PCDHGA3: variants seen among roughly 807,000 people sequenced by gnomAD.
PCDHGA3 encodes the protein protocadherin gamma-A3.
PCDHGA3 carries 40 observed loss-of-function variants against 58.5 expected under a neutral mutation model. The observed-to-expected ratio is 0.68, with a 90% CI of 0.53 to 0.89. The LOEUF (loss-of-function observed/expected upper bound fraction) is 0.89, where lower values mean the gene tolerates loss of function less well. Among genes scored for constraint, PCDHGA3 ranks in the 40% least tolerant of loss-of-function variants. The pLI is 0.00. For synonymous variants in PCDHGA3, 530 were observed against 525.7 expected (o/e 1.01, Z -0.11); for missense variants, 1,223 against 1,195.9 (o/e 1.02, Z -0.33).
intron 3 of PCDHGA3, among the ~76,000 whole-genome samples, chr5:141,507,856 A>T (rs1200072170): frequency 1.3e-5 from 2 of 151,926 alleles, no homozygotes; most frequent in Non-Finnish European, 2.9e-5. Flanking sequence ...TCTCACTTTC[A>T]CACCCGCTTC....
intron 1 of PCDHGA3, among the ~76,000 whole-genome samples, chr5:141,452,375 G>A (rs1239059045): frequency 2.0e-5 from 3 of 152,194 alleles, no homozygotes; most frequent in African/African-American, 7.2e-5. Context: ...TTTTAGTAGG[G>A]AATAGTATTT....
chr5:141,421,760 A>G, intron 1 of PCDHGA3: 1 of 1,613,868 alleles, frequency 6.2e-7, no homozygotes, highest in South Asian at 1.1e-5. Context: ...CCTAATAATT[A>G]CTTTTCCTTG....
At position 141,351,769 on chromosome 5, in the gene PCDHGA3, G is replaced by A. The variant is rs549456663; in HGVS notation, c.2424+5312G>A. On this transcript the variant is annotated intron_variant, in intron 1 of 3. Transcript: ENST00000253812. ...GGGAGCTGTTGTCCTACGTGTCCGT[G>A]AGCCCGCAGAGCGGGGTGGTGTTCG... is the stretch of plus-strand genomic sequence containing the variant. 2.3e-4 allele frequency: 371 copies of A among 1,613,496 alleles called. 3 individuals are homozygous for A. In the East Asian group the frequency reaches 7.5e-3, roughly 32 times the overall value.
At chr5:141,397,495 A>T (rs1346259397) in intron 1 of PCDHGA3, among the ~76,000 whole-genome samples, 2 of 152,226 alleles carry the variant, frequency 1.3e-5, no homozygotes, top group Non-Finnish European at 2.9e-5. Flanking sequence ...GAACAGAAGA[A>T]TGATAAAATT....
intron 1 of PCDHGA3, chr5:141,426,591 A>G: frequency 1.4e-5 from 5 of 369,676 alleles, no homozygotes; most frequent in South Asian, 7.9e-5. Context: ...CCTCTGTGTC[A>G]TACCCTTAGA....
intron 1 of PCDHGA3, among the ~76,000 whole-genome samples, chr5:141,387,456 T>C (rs1444030980): frequency 6.6e-6 from 1 of 152,246 alleles, no homozygotes; most frequent in Non-Finnish European, 1.5e-5. Context: ...ATGATTTGCC[T>C]AAAAATCCTC....
At chr5:141,417,007 C>A (rs1204390468) in intron 1 of PCDHGA3, 1 of 148,406 alleles carries the variant, frequency 6.7e-6, no homozygotes, top group Non-Finnish European at 1.5e-5. Flanking sequence ...TCAAATAATT[C>A]TATTATTTTG....
chr5:141,439,226 G>A (rs1337835258), intron 1 of PCDHGA3, among the ~76,000 whole-genome samples: 1 of 151,442 alleles, frequency 6.6e-6, no homozygotes, highest in African/African-American at 2.4e-5. Flanking sequence ...AAAATTCTTA[G>A]AAGCTTCCTA....
In PCDHGA3 at chr5:141,388,074, C is replaced by T. The variant is rs770542956; in HGVS notation, c.2424+41617C>T. 1.6e-5 allele frequency: 22 copies of T among 1,363,892 alleles called. No homozygotes were observed. In the South Asian group the frequency reaches 2.8e-4, roughly 17 times the overall value. 84.5% of individuals were successfully genotyped at this position (1,363,892 alleles called of 1,614,324 possible). On this transcript the variant is annotated intron_variant, in intron 1 of 3. Transcript: ENST00000253812. ...GTTCAGCGTCCAGGAGTTACCGACT[C>T]GAAAACTGCGCGTCAGTTCGGAGAA...
Position 141,365,430 on chromosome 5 carries a change from C to T in PCDHGA3, c.2424+18973C>T, listed in dbSNP as rs151160787. The stretch of plus-strand genomic sequence containing the variant: ...GACTGTCTTCCCGGAACTGTAATCG[C>T]GCTGTTTAGCGTACATGATGGTGAT... On this transcript the variant is annotated intron_variant, in intron 1 of 3. Coordinates refer to ENST00000253812, the MANE Select transcript of PCDHGA3 (RefSeq NM_018916.4). 2.0e-4 allele frequency: 316 copies of T among 1,613,960 alleles called. 3 individuals are homozygous for T. The East Asian group carries it at 6.1e-3, about 31-fold the overall frequency.
At chr5:141,408,473 G>A (rs2095117243) in intron 1 of PCDHGA3, 5 of 1,613,952 alleles carry the variant, frequency 3.1e-6, no homozygotes, top group African/African-American at 1.3e-5. Flanking sequence ...GAACCGAATA[G>A]ACCGTGAGCA....
Position 141,490,179 on chromosome 5 carries a change from A to G in PCDHGA3, c.2425-4628A>G. On this transcript the variant is annotated intron_variant, in intron 1 of 3. Transcript: ENST00000253812. This position sits in a 1 kb window ranked among gnomAD's most constrained non-coding sequence, Gnocchi z 5.4. Reference sequence around the variant, plus strand: ...TGGGTCCCATAGACTTTGAGGAGTCACGTTTCTATGAAATTCATGCAAGAG... The same window carrying G: ...TGGGTCCCATAGACTTTGAGGAGTCGCGTTTCTATGAAATTCATGCAAGAG... 1 of 1,614,202 alleles carries G rather than the reference A, an allele frequency of 6.2e-7. No individual in the cohort carries two copies. Among genetic ancestry groups the G allele is most frequent in the East Asian group, 2.2e-5 (1 of 44,882 alleles).
chr5:141,439,013 A>T lies in PCDHGA3; in HGVS notation c.2425-55794A>T, dbSNP rs2098082221. 1.3e-5 allele frequency among the ~76,000 whole-genome samples: 2 copies of T among 151,700 alleles called. 1 individual carries two copies. The highest frequency in any genetic ancestry group is 1.3e-4 in the Admixed American group (2 of 15,214). On this transcript the variant is annotated intron_variant, in intron 1 of 3. Transcript: ENST00000253812. ...GGCTAAGGACCTGGTTTGTTTGTCA[A>T]ATTTTGAAAATAGATGCCTCAGTTC...
At chr5:141,401,734 G>T (rs2094188545) in intron 1 of PCDHGA3, among the ~76,000 whole-genome samples, 1 of 152,166 alleles carries the variant, frequency 6.6e-6, no homozygotes, top group Non-Finnish European at 1.5e-5. Context: ...CTAGTCTTGT[G>T]TACATACAAA....
At chr5:141,408,588 A>G in intron 1 of PCDHGA3, 1 of 1,614,042 alleles carries the variant, frequency 6.2e-7, no homozygotes, top group Non-Finnish European at 8.5e-7. Context: ...GTTAATGACC[A>G]CGCCCCTCAA....
chr5:141,398,336 C>T lies in PCDHGA3; in HGVS notation c.2424+51879C>T, dbSNP rs2093641789. The T allele has an allele frequency of 7.3e-6, 10 of 1,363,224 alleles. No individual in the cohort carries two copies. In the East Asian group the frequency reaches 1.7e-4, roughly 24 times the overall value. 84.4% of individuals were successfully genotyped at this position (1,363,224 alleles called of 1,614,324 possible). On this transcript the variant is annotated intron_variant, in intron 1 of 3. Coordinates refer to ENST00000253812, the MANE Select transcript of PCDHGA3 (RefSeq NM_018916.4). ...CCGACTCGAAAACTGCGCGTCAGTT[C>T]GGAGAAGCCTTACTTCACCGTGAGC...
Position 141,410,405 on chromosome 5 carries a change from T to C in PCDHGA3, c.2424+63948T>C, listed in dbSNP as rs777544150. ...CTTCCATCCTGGTCTCTGTGTCAAGTCTGGACCTGTAGTTCCCCCCAACTA... is the reference window on the plus strand; with the variant it reads ...CTTCCATCCTGGTCTCTGTGTCAAGCCTGGACCTGTAGTTCCCCCCAACTA... On this transcript the variant is annotated intron_variant, in intron 1 of 3. Transcript: ENST00000253812. 2.2e-5 allele frequency: 35 copies of C among 1,613,948 alleles called. 1 individual carries two copies. In the East Asian group the frequency reaches 7.8e-4, roughly 36 times the overall value.
intron 3 of PCDHGA3, among the ~76,000 whole-genome samples, chr5:141,509,320 C>A (rs1261653347): frequency 6.6e-6 from 1 of 152,194 alleles, no homozygotes; most frequent in Non-Finnish European, 1.5e-5. Flanking sequence ...GGGAGAGAAG[C>A]TCTACTGCCA....
In PCDHGA3 at chr5:141,432,250, A is replaced by G. The variant is rs777728825; in HGVS notation, c.2425-62557A>G. 2 of 1,614,234 alleles carry G rather than the reference A, an allele frequency of 1.2e-6. No homozygotes were observed. Among genetic ancestry groups the G allele is most frequent in the Admixed American group, 1.7e-5 (1 of 60,026 alleles). ...ATTCCCTGGCTGAGAACACCATCCA[A>G]GGGGCAAGCCTATCGTCCTACGTGT... On this transcript the variant is annotated intron_variant, in intron 1 of 3. Transcript: ENST00000253812. The surrounding 1 kb of genome is among the most constrained non-coding windows in gnomAD (Gnocchi z 6.0).
Sources: allele counts gnomAD v4.1 joint callset (sites outside exome capture counted in the v4.1 genomes callset), GRCh38; gene constraint gnomAD v4.1.1; non-coding constraint Gnocchi (gnomAD v3.1); transcripts MANE v1.5; gene names NCBI Gene and HGNC (gene_info 2026-07-23, HGNC 2026-07-21).